RSPRY1: variants seen among roughly 807,000 people sequenced by gnomAD.
RSPRY1 encodes the protein RING finger and SPRY domain-containing protein 1.
RSPRY1 carries 23 observed loss-of-function variants against 73.1 expected under a neutral mutation model. The ratio of observed to expected loss-of-function variants is 0.31; its 90% CI spans 0.23 to 0.45. The LOEUF (loss-of-function observed/expected upper bound fraction) is 0.45. Among genes scored for constraint, RSPRY1 ranks in the 20% least tolerant of loss-of-function variants. RSPRY1 has a pLI of 1.00. For synonymous variants in RSPRY1, 226 were observed against 251.4 expected (o/e 0.90, Z 0.95); for missense variants, 448 against 698.7 (o/e 0.64, Z 4.05).
chr16:57,199,838 CTTTTT>C (rs3055196), intron 1 of RSPRY1, among the ~76,000 whole-genome samples: 1 of 132,566 alleles, frequency 7.5e-6, no homozygotes, highest in Non-Finnish European at 1.6e-5. Context: ...AGTGAAATTT[CTTTTT>C]TTTTTTTTTC....
intron 1 of RSPRY1, among the ~76,000 whole-genome samples, chr16:57,199,982 C>A (rs2074536754): frequency 7.4e-6 from 1 of 135,486 alleles, no homozygotes; most frequent in South Asian, 2.3e-4. Context: ...GGTCACAGGA[C>A]AATAGTGGAG....
At chr16:57,213,290 G>T (rs1437144862) in intron 5 of RSPRY1, among the ~76,000 whole-genome samples, 192 bp downstream of exon 5, 1 of 152,072 alleles carries the variant, frequency 6.6e-6, no homozygotes, top group South Asian at 2.1e-4. Context: ...TTAGCTTTGT[G>T]GATTTTCAGG....
chr16:57,239,581 C>T lies in RSPRY1; in HGVS notation c.*606C>T, dbSNP rs2075349290. 1 of 151,080 alleles carries T rather than the reference C, an allele frequency of 6.6e-6. No individual in the cohort carries two copies. The allele number at this position is 151,080 out of a possible 1,614,324, so 9.4% of individuals were successfully genotyped here. A position where few individuals can be genotyped will look rare whatever the true frequency, so the allele number is the denominator to read the frequency against. ...TATTTCAGTGATTCCAAAGAACATT[C>T]TAGGTTTTTTGTTTGTTTTTTTGTT... is the stretch of plus-strand genomic sequence containing the variant. On this transcript the variant is annotated 3_prime_UTR_variant, in exon 15 of 15. Coordinates refer to ENST00000394420, the MANE Select transcript of RSPRY1 (RefSeq NM_133368.3).
chr16:57,214,349 C>A (rs1323622016), intron 6 of RSPRY1, among the ~76,000 whole-genome samples: 3 of 152,194 alleles, frequency 2.0e-5, no homozygotes, highest in African/African-American at 7.2e-5. Flanking sequence ...CTGCCCTCCC[C>A]CTCACTGCTA....
At chr16:57,195,995 C>A (rs1334499816) in intron 1 of RSPRY1, among the ~76,000 whole-genome samples, 2 of 145,766 alleles carry the variant, frequency 1.4e-5, no homozygotes, top group East Asian at 4.0e-4. Flanking sequence ...GGACTCCAGC[C>A]TGGCGACAGA....
rs1332835387 is a variant in RSPRY1 at position 57,239,599 on chromosome 16, T to G, written c.*624T>G. 1 of 151,774 alleles carries G rather than the reference T, an allele frequency of 6.6e-6. No individual in the cohort carries two copies. The allele number at this position is 151,774 out of a possible 1,614,324, so 9.4% of individuals were successfully genotyped here. On this transcript the variant is annotated 3_prime_UTR_variant, in exon 15 of 15. Coordinates refer to ENST00000394420, the MANE Select transcript of RSPRY1 (RefSeq NM_133368.3). ...GAACATTCTAGGTTTTTTGTTTGTTTTTTTGTTTTTTGGGTTTTTTTTTTT... is the reference window on the plus strand; with the variant it reads ...GAACATTCTAGGTTTTTTGTTTGTTGTTTTGTTTTTTGGGTTTTTTTTTTT...
In RSPRY1 at chr16:57,205,316, A is replaced by G. The variant is rs1282004730; in HGVS notation, c.350+308A>G. On this transcript the variant is annotated intron_variant, in intron 2 of 14. Transcript: ENST00000394420. ...GTTTATGTTGCTAGCTACAATAGGA[A>G]ATGGTTTCATGAAGGCTCACTGTTA... is the stretch of plus-strand genomic sequence containing the variant. The G allele has an allele frequency of 2.3e-5, 7 of 308,090 alleles. No individual in the cohort carries two copies. In the East Asian group the frequency reaches 4.7e-4, roughly 21 times the overall value. 19.1% of individuals were successfully genotyped at this position (308,090 alleles called of 1,614,324 possible). A position where few individuals can be genotyped will look rare whatever the true frequency, so the allele number is the denominator to read the frequency against.
At chr16:57,221,165 C>T (rs2075028578) in intron 9 of RSPRY1, 107 bp from the exon 10 acceptor site, 1 of 1,363,692 alleles carries the variant, frequency 7.3e-7, no homozygotes, top group Admixed American at 2.0e-5. Context: ...CAATAGTCCA[C>T]CAGAAGTTTT....
intron 6 of RSPRY1, among the ~76,000 whole-genome samples, chr16:57,215,815 A>G (rs2074928141): frequency 6.6e-6 from 1 of 152,210 alleles, no homozygotes; most frequent in Admixed American, 6.5e-5. Context: ...CCCTAATGTA[A>G]GTTTTATTAA....
In RSPRY1 at chr16:57,196,034, A is replaced by ATATAT. The variant is rs36083992; in HGVS notation, c.-155-8470_-155-8469insTATAT. 2.0e-3 allele frequency among the ~76,000 whole-genome samples: 240 copies of ATATAT among 122,778 alleles called. 2 individuals carry two copies. The highest frequency in any genetic ancestry group is 8.1e-3 in the Middle Eastern group (2 of 246). 80.5% of individuals were successfully genotyped at this position (122,778 alleles called of 152,430 possible). A position where few individuals can be genotyped will look rare whatever the true frequency, so the allele number is the denominator to read the frequency against. On this transcript the variant is annotated intron_variant, in intron 1 of 14. Transcript: ENST00000394420. ...AGACTTCATCTCAAAAAAAAAAAAAAATATATATATATATATATAGGTATT... is the reference window on the plus strand; with the variant it reads ...AGACTTCATCTCAAAAAAAAAAAAAATATATATATATATATATATATATAGGTATT...
At chr16:57,196,609 G>T (rs1308165991) in intron 1 of RSPRY1, among the ~76,000 whole-genome samples, 1 of 152,168 alleles carries the variant, frequency 6.6e-6, no homozygotes, top group African/African-American at 2.4e-5. Flanking sequence ...CCGTCTATGG[G>T]ATGATCAAGC....
chr16:57,230,550 A>G (rs1226844231), intron 11 of RSPRY1, among the ~76,000 whole-genome samples, 161 bp from the exon 12 acceptor site: 1 of 152,186 alleles, frequency 6.6e-6, no homozygotes, highest in Non-Finnish European at 1.5e-5. Context: ...ATATTGGTGT[A>G]TAGGGGTCAG....
intron 11 of RSPRY1, among the ~76,000 whole-genome samples, chr16:57,229,933 A>T (rs2146363713): frequency 7.0e-6 from 1 of 143,728 alleles, no homozygotes. Flanking sequence ...TCTCAAACTG[A>T]CCTCAAGATG....
chr16:57,214,046 G>T, intron 6 of RSPRY1, 100 bp downstream of exon 6: 1 of 788,642 alleles, frequency 1.3e-6, no homozygotes. Flanking sequence ...CACTGGCACA[G>T]AGAATGGAAT....
At chr16:57,211,231 C>T (rs942834831) in intron 4 of RSPRY1, among the ~76,000 whole-genome samples, 12 of 149,976 alleles carry the variant, frequency 8.0e-5, no homozygotes, top group Non-Finnish European at 1.3e-4. Context: ...GAGTTTGATA[C>T]CAGCCTGAAC....
chr16:57,221,097 A>G (rs1253027509), intron 9 of RSPRY1, among the ~76,000 whole-genome samples, 175 bp from the exon 10 acceptor site: 1 of 152,228 alleles, frequency 6.6e-6, no homozygotes, highest in Non-Finnish European at 1.5e-5. Flanking sequence ...ATGTTGCCAA[A>G]TGCCTTATGT....
At chr16:57,219,546 A>G (rs199738926) in intron 8 of RSPRY1, 1 of 152,176 alleles carries the variant, frequency 6.6e-6, no homozygotes, top group East Asian at 1.9e-4. Flanking sequence ...ACCTCCTTAT[A>G]TATTCTGGTT....
chr16:57,217,072 C>G, intron 8 of RSPRY1, 37 bp downstream of exon 8: 1 of 1,612,308 alleles, frequency 6.2e-7, no homozygotes, highest in Non-Finnish European at 8.5e-7. Flanking sequence ...ATGTCCGTTT[C>G]CATTTCCAGA....
chr16:57,194,251 C>T (rs187565351), intron 1 of RSPRY1, among the ~76,000 whole-genome samples: 2 of 150,620 alleles, frequency 1.3e-5, no homozygotes, highest in South Asian at 2.1e-4. Context: ...AGATGGATAG[C>T]GATAAAGCAA....
Sources: allele counts gnomAD v4.1 joint callset (sites outside exome capture counted in the v4.1 genomes callset), GRCh38; gene constraint gnomAD v4.1.1; transcripts MANE v1.5; gene names NCBI Gene and HGNC (gene_info 2026-07-23, HGNC 2026-07-21).